MTM1: variants seen among roughly 807,000 people sequenced by gnomAD.
MTM1 encodes the protein myotubularin 1.
A neutral mutation model predicts 52.1 loss-of-function variants in MTM1; 9 were observed. The observed-to-expected ratio is 0.17, with a 90% CI of 0.10 to 0.30. MTM1 has a LOEUF of 0.30. Ranked by LOEUF, MTM1 falls within the 10% of genes least tolerant of loss-of-function variation. MTM1 has a pLI of 1.00. For synonymous variants in MTM1, 136 were observed against 163.8 expected (o/e 0.83, Z 1.29); for missense variants, 277 against 470.7 (o/e 0.59, Z 3.81).
At chrX:150,586,839 A>C (rs939657498) in intron 1 of MTM1, among the ~76,000 whole-genome samples, 1 of 106,183 alleles carries the variant, frequency 9.4e-6, no homozygotes, top group Non-Finnish European at 1.9e-5. Flanking sequence ...ACTCAAACCC[A>C]GGAGGCAGAG....
intron 12 of MTM1, 133 bp from the exon 13 acceptor site, chrX:150,660,237 CA>C: frequency 2.1e-6 from 1 of 483,590 alleles, no homozygotes; most frequent in Non-Finnish European, 3.6e-6. Context: ...AGTGTGTGTG[CA>C]GATTACAGCC....
chrX:150,645,912 A>ATG, intron 9 of MTM1, 41 bp downstream of exon 9: 2 of 1,124,900 alleles, frequency 1.8e-6, no homozygotes, highest in Non-Finnish European at 2.5e-6. Context: ...TAGCTTACAT[A>ATG]TGGAGTGCAG....
chrX:150,635,533 T>C (rs1386078732), intron 6 of MTM1, among the ~76,000 whole-genome samples: 1 of 112,309 alleles, frequency 8.9e-6, no homozygotes, highest in Non-Finnish European at 1.9e-5. Flanking sequence ...AATTTTGAAA[T>C]AGGAGCTTTA....
intron 1 of MTM1, among the ~76,000 whole-genome samples, chrX:150,570,179 G>A (rs989758662): frequency 2.7e-5 from 3 of 111,694 alleles, no homozygotes; most frequent in African/African-American, 3.3e-5. Context: ...ACAGCAAAGA[G>A]CCCCACTGCT....
chrX:150,646,924 A>G (rs781926552), intron 9 of MTM1, among the ~76,000 whole-genome samples: 2 of 111,544 alleles, frequency 1.8e-5, no homozygotes, highest in Admixed American at 9.5e-5. Context: ...TTATTTGTGC[A>G]CAGATCTTCT....
chrX:150,622,029 A>G (rs1557413302), intron 6 of MTM1, among the ~76,000 whole-genome samples: 1 of 111,169 alleles, frequency 9.0e-6, no homozygotes, highest in Admixed American at 9.6e-5. Context: ...GATGTTTCTG[A>G]GTATTACAAA....
At chrX:150,618,837 T>A (rs1316237828) in intron 5 of MTM1, among the ~76,000 whole-genome samples, 1 of 111,518 alleles carries the variant, frequency 9.0e-6, no homozygotes, top group East Asian at 2.8e-4. Context: ...TTCACATTCA[T>A]GGCTATGACG....
chrX:150,623,375 G>T (rs1291824701), intron 6 of MTM1, among the ~76,000 whole-genome samples: 1 of 110,215 alleles, frequency 9.1e-6, no homozygotes, highest in African/African-American at 3.3e-5. Context: ...TCCAGTGCCT[G>T]GCATACGTTT....
intron 9 of MTM1, among the ~76,000 whole-genome samples, chrX:150,649,353 T>G (rs1215770142): frequency 8.9e-6 from 1 of 112,622 alleles, no homozygotes; most frequent in East Asian, 2.8e-4. Context: ...GCCTCCCGCC[T>G]TCCCCCTGAA....
chrX:150,594,033 T>C (rs782464536), intron 2 of MTM1, among the ~76,000 whole-genome samples: 2 of 111,450 alleles, frequency 1.8e-5, no homozygotes, highest in African/African-American at 6.5e-5. Context: ...GTTCATGTCC[T>C]TTATTTGGCT....
chrX:150,569,484 C>G (rs2038327174), intron 1 of MTM1, among the ~76,000 whole-genome samples: 1 of 112,775 alleles, frequency 8.9e-6, no homozygotes, highest in Non-Finnish European at 1.9e-5. Flanking sequence ...ACCAGATCTT[C>G]ACAAGAATAA....
At chrX:150,652,658 T>TATAC (rs781892437) in intron 10 of MTM1, among the ~76,000 whole-genome samples, 12 of 82,462 alleles carry the variant, frequency 1.5e-4, no homozygotes, top group East Asian at 4.0e-4. Context: ...TATATATATA[T>TATAC]ACACACACAC....
chrX:150,623,442 C>T (rs1162554881), intron 6 of MTM1, among the ~76,000 whole-genome samples: 2 of 110,281 alleles, frequency 1.8e-5, no homozygotes, highest in African/African-American at 6.6e-5. Flanking sequence ...AAAATGATCT[C>T]GGGGTGACGG....
intron 11 of MTM1, among the ~76,000 whole-genome samples, chrX:150,658,963 T>A (rs1474093515): frequency 8.9e-6 from 1 of 112,145 alleles, no homozygotes; most frequent in Non-Finnish European, 1.9e-5. Context: ...AAGCGATTCT[T>A]CTGCCTCAGC....
chrX:150,578,660 G>T (rs1557411736), intron 1 of MTM1, among the ~76,000 whole-genome samples: 1 of 111,226 alleles, frequency 9.0e-6, no homozygotes, highest in African/African-American at 3.3e-5. Flanking sequence ...TGGTAATTTT[G>T]TTGAAAATCA....
At chrX:150,592,890 T>G (rs1603119515) in intron 2 of MTM1, among the ~76,000 whole-genome samples, 1 of 108,709 alleles carries the variant, frequency 9.2e-6, no homozygotes, top group African/African-American at 3.4e-5. Context: ...GTAGCCCAGG[T>G]TGGAGTGCAG....
At chrX:150,604,510 A>G (rs1228373359) in intron 4 of MTM1, among the ~76,000 whole-genome samples, 1 of 110,670 alleles carries the variant, frequency 9.0e-6, no homozygotes, top group Admixed American at 9.6e-5. Flanking sequence ...GTTCAACTCA[A>G]TTGTCTCCCT....
intron 14 of MTM1, among the ~76,000 whole-genome samples, chrX:150,667,459 G>A (rs1557414993): frequency 9.0e-6 from 1 of 111,557 alleles, no homozygotes; most frequent in Non-Finnish European, 1.9e-5. Context: ...TATGTTCGTT[G>A]TTTGTCCGTC....
intron 11 of MTM1, 120 bp downstream of exon 11, chrX:150,658,147 C>T (rs1449703510): frequency 6.5e-6 from 4 of 619,345 alleles, no homozygotes; most frequent in Admixed American, 2.9e-5. Flanking sequence ...AAAAACTTTA[C>T]GCGTTTGAAA....
Sources: gnomAD v4.1 joint callset for allele counts (sites outside exome capture counted in the v4.1 genomes callset) on GRCh38, gnomAD v4.1.1 for gene constraint, MANE v1.5 for transcripts, NCBI Gene and HGNC (gene_info 2026-07-23, HGNC 2026-07-21) for gene names.